The following ZSCAN25 variants were observed in gnomAD, a reference collection of about 807,000 sequenced individuals.
ZSCAN25 encodes the protein zinc finger and SCAN domain-containing protein 25.
ZSCAN25 carries 27 observed loss-of-function variants against 38.7 expected under a neutral mutation model. The observed-to-expected ratio is 0.70, with a 90% CI of 0.51 to 0.96. The LOEUF is 0.96. Among genes scored for constraint, ZSCAN25 ranks in the 40% least tolerant of loss-of-function variants. The pLI is 0.00. For synonymous variants in ZSCAN25, 273 were observed against 277.7 expected (o/e 0.98, Z 0.17); for missense variants, 637 against 705.9 (o/e 0.90, Z 1.11).
the ZSCAN25 span, among the ~76,000 whole-genome samples, chr7:99,696,260 G>T: frequency 3.3e-5 from 5 of 149,372 alleles, no homozygotes; most frequent in Admixed American, 3.3e-4. Flanking sequence ...CTCTTCTGCA[G>T]TGATGATGAG....
chr7:99,715,564 A>G, the ZSCAN25 span: 1 of 960,222 alleles, frequency 1.0e-6, no homozygotes, highest in Non-Finnish European at 1.5e-6. Flanking sequence ...GTTGATAGCT[A>G]AACATGTATG....
At chr7:99,709,286 A>T in the ZSCAN25 span, 6 of 1,609,416 alleles carry the variant, frequency 3.7e-6, no homozygotes, top group Non-Finnish European at 5.1e-6. Flanking sequence ...ACAGATTTGG[A>T]TAAATTGAGA....
the ZSCAN25 span, chr7:99,672,830 G>A: frequency 6.8e-7 from 1 of 1,463,954 alleles, no homozygotes; most frequent in Non-Finnish European, 9.0e-7. Context: ...GTTCATTAGG[G>A]TGTGACACAC....
At chr7:99,633,680 C>T (rs1808148752), downstream of ZSCAN25, among the ~76,000 whole-genome samples, 1 of 152,198 alleles carries the variant, frequency 6.6e-6, no homozygotes, top group African/African-American at 2.4e-5. Context: ...CTACCCCTTC[C>T]TTGGCCTTGC....
chr7:99,652,456 T>C, the ZSCAN25 span: 183 of 784,620 alleles, frequency 2.3e-4, no homozygotes, highest in Non-Finnish European at 3.5e-4. Flanking sequence ...AAGCAAATGA[T>C]TGTACAACCA....
chr7:99,649,555 A>G, the ZSCAN25 span, among the ~76,000 whole-genome samples: 2 of 152,186 alleles, frequency 1.3e-5, no homozygotes, highest in Non-Finnish European at 2.9e-5. Context: ...TTCACGTGAG[A>G]ACTAATCAGG....
At chr7:99,646,930 T>A in the ZSCAN25 span, among the ~76,000 whole-genome samples, 1 of 152,174 alleles carries the variant, frequency 6.6e-6, no homozygotes, top group East Asian at 1.9e-4. Flanking sequence ...TATCCATCTA[T>A]CTATCTAGAA....
the ZSCAN25 span, chr7:99,659,130 G>C: frequency 6.6e-6 from 1 of 152,258 alleles, no homozygotes; most frequent in Non-Finnish European, 1.5e-5. Context: ...GCGGAGCTGC[G>C]TTCCTTTGGA....
At chr7:99,618,390 C>T (rs1257626922) in intron 1 of ZSCAN25, 135 bp from the exon 2 acceptor site, 2 of 152,062 alleles carry the variant, frequency 1.3e-5, no homozygotes, top group Non-Finnish European at 2.9e-5. Flanking sequence ...GAGTAGCACT[C>T]ATCCTACAGA....
the ZSCAN25 span, among the ~76,000 whole-genome samples, chr7:99,667,485 G>A: frequency 6.6e-6 from 1 of 152,036 alleles, no homozygotes; most frequent in Non-Finnish European, 1.5e-5. Context: ...CTACAGCATG[G>A]GCAACTTGAA....
At chr7:99,652,695 T>C in the ZSCAN25 span, 939 of 1,614,010 alleles carry the variant, frequency 5.8e-4, no homozygotes, top group Non-Finnish European at 7.0e-4. Flanking sequence ...TCAAGTCTAA[T>C]AGCAACTGGG....
At chr7:99,702,910 TC>T in the ZSCAN25 span, among the ~76,000 whole-genome samples, 10 of 152,358 alleles carry the variant, frequency 6.6e-5, no homozygotes, top group African/African-American at 2.4e-4. Flanking sequence ...TGTGTCTTCT[TC>T]AATTTCCTTC....
the ZSCAN25 span, chr7:99,666,561 T>A: frequency 6.2e-7 from 1 of 1,600,202 alleles, no homozygotes; most frequent in Non-Finnish European, 8.6e-7. Flanking sequence ...CTGGAAGGGC[T>A]CATGACAGCT....
At chr7:99,720,393 G>T in the ZSCAN25 span, 1 of 1,613,694 alleles carries the variant, frequency 6.2e-7, no homozygotes, top group East Asian at 2.2e-5. Flanking sequence ...GCCAGCATAG[G>T]CTGTTGACAG....
At chr7:99,686,177 G>C in the ZSCAN25 span, among the ~76,000 whole-genome samples, 1 of 152,176 alleles carries the variant, frequency 6.6e-6, no homozygotes, top group South Asian at 2.1e-4. Flanking sequence ...TGGGTGCAGC[G>C]TGCTGTGCAC....
chr7:99,730,975 C>T, the ZSCAN25 span: 1 of 1,551,190 alleles, frequency 6.4e-7, no homozygotes, highest in Non-Finnish European at 8.9e-7. Flanking sequence ...AGACCTTCCT[C>T]TTGAGGAGAA....
the ZSCAN25 span, among the ~76,000 whole-genome samples, chr7:99,737,537 C>T: frequency 6.6e-6 from 1 of 152,108 alleles, no homozygotes; most frequent in East Asian, 1.9e-4. Context: ...CACATTCTGA[C>T]AAGTAAAGAT....
the ZSCAN25 span, among the ~76,000 whole-genome samples, chr7:99,658,405 T>C: frequency 6.6e-6 from 1 of 152,198 alleles, no homozygotes; most frequent in Non-Finnish European, 1.5e-5. Flanking sequence ...TGTTGAATAT[T>C]GGCCCCCACT....
At chr7:99,701,637 C>A in the ZSCAN25 span, among the ~76,000 whole-genome samples, 1 of 152,172 alleles carries the variant, frequency 6.6e-6, no homozygotes, top group Non-Finnish European at 1.5e-5. Context: ...GGATTAAAAC[C>A]ATTTTAGCTG....
Sources: allele counts gnomAD v4.1 joint callset (sites outside exome capture counted in the v4.1 genomes callset), GRCh38; gene constraint gnomAD v4.1.1; transcripts MANE v1.5; gene names NCBI Gene and HGNC (gene_info 2026-07-23, HGNC 2026-07-21).